Variants in RALYL observed in about 807,000 individuals in gnomAD.
RALYL encodes the protein RALY RNA binding protein like.
In RALYL, 29 loss-of-function variants were observed where a neutral mutation model predicts 35.1. The observed-to-expected ratio is 0.83, with a 90% CI of 0.61 to 1.13. The LOEUF (loss-of-function observed/expected upper bound fraction) is 1.13. Among genes scored for constraint, RALYL ranks in the 50% most tolerant of loss-of-function variants. The pLI is 0.00. For synonymous variants in RALYL, 120 were observed against 127.6 expected, an observed-to-expected ratio of 0.94 and a Z score of 0.40; for missense variants, 359 against 360.4, an observed-to-expected ratio of 1.00 and a Z score of 0.03.
chr8:84,316,572 T>G (rs1843791877), intron 1 of RALYL, among the ~76,000 whole-genome samples: 1 of 138,270 alleles, frequency 7.2e-6, no homozygotes, highest in South Asian at 2.1e-4. Flanking sequence ...ATATGCTTTC[T>G]ACTGTTTGCT....
At chr8:84,639,157 A>G (rs1263538185) in intron 2 of RALYL, among the ~76,000 whole-genome samples, 2 of 151,562 alleles carry the variant, frequency 1.3e-5, no homozygotes, top group African/African-American at 4.8e-5. Flanking sequence ...ACTTACTGGA[A>G]TTAATATTTT....
chr8:84,708,646 T>C (rs886314908), intron 2 of RALYL, among the ~76,000 whole-genome samples: 2 of 152,156 alleles, frequency 1.3e-5, no homozygotes, highest in Admixed American at 1.3e-4. Context: ...TGAGTCCATT[T>C]AAATACTAAG....
At chr8:84,207,956 T>C (rs758181729) in intron 1 of RALYL, among the ~76,000 whole-genome samples, 9 of 152,040 alleles carry the variant, frequency 5.9e-5, no homozygotes, top group Non-Finnish European at 8.8e-5. Flanking sequence ...AAAGTAGAAA[T>C]TGCAGTTCGC....
intron 2 of RALYL, among the ~76,000 whole-genome samples, chr8:84,588,204 C>G (rs1812417306): frequency 6.6e-6 from 1 of 152,084 alleles, no homozygotes; most frequent in Non-Finnish European, 1.5e-5. Context: ...GACAGCCTTA[C>G]CTAGGTTGTT....
At chr8:84,770,048 T>G (rs1029189545) in intron 2 of RALYL, among the ~76,000 whole-genome samples, 1 of 152,158 alleles carries the variant, frequency 6.6e-6, no homozygotes, top group Non-Finnish European at 1.5e-5. Flanking sequence ...CCTTCTTTTT[T>G]TAGAAAAATG....
chr8:84,278,778 A>C (rs1315449337), intron 1 of RALYL, among the ~76,000 whole-genome samples: 1 of 152,146 alleles, frequency 6.6e-6, no homozygotes, highest in African/African-American at 2.4e-5. Context: ...CCTGGACTTC[A>C]TTGTCCATAT....
chr8:84,325,905 G>A (rs1332906269), intron 1 of RALYL, among the ~76,000 whole-genome samples: 1 of 152,138 alleles, frequency 6.6e-6, no homozygotes, highest in Non-Finnish European at 1.5e-5. Context: ...TGAGGCGGTT[G>A]GATCTCTTGA....
At chr8:84,447,053 A>AC (rs2048934266) in intron 1 of RALYL, among the ~76,000 whole-genome samples, 1 of 151,910 alleles carries the variant, frequency 6.6e-6, no homozygotes, top group African/African-American at 2.4e-5. Context: ...TCCCCTTTCC[A>AC]CCCCAGGTCC....
intron 8 of RALYL, among the ~76,000 whole-genome samples, chr8:84,920,658 A>G (rs1427058): frequency 0.93 from 140,844 of 152,056 alleles, 65,368 homozygotes; most frequent in East Asian, 0.98. Context: ...ACCTCAGGCA[A>G]TAAATTAGCT....
chr8:84,840,752 G>A (rs1243241005), intron 4 of RALYL, among the ~76,000 whole-genome samples: 1 of 152,250 alleles, frequency 6.6e-6, no homozygotes, highest in East Asian at 1.9e-4. Context: ...AAGCCCATCA[G>A]ACTAACAACT....
intron 2 of RALYL, among the ~76,000 whole-genome samples, chr8:84,757,911 A>G (rs1811809649): frequency 6.6e-6 from 1 of 152,180 alleles, no homozygotes; most frequent in Non-Finnish European, 1.5e-5. Flanking sequence ...AGTTTCTGGC[A>G]TGCTTTGTTC....
At chr8:84,699,161 T>A (rs1342513158) in intron 2 of RALYL, among the ~76,000 whole-genome samples, 5 of 152,132 alleles carry the variant, frequency 3.3e-5, no homozygotes, top group African/African-American at 1.2e-4. Flanking sequence ...ATTTTCATGA[T>A]CACAGAAACT....
At chr8:84,731,377 A>G (rs1426795223) in intron 2 of RALYL, among the ~76,000 whole-genome samples, 1 of 152,162 alleles carries the variant, frequency 6.6e-6, no homozygotes, top group Non-Finnish European at 1.5e-5. Flanking sequence ...GGCATAGAGT[A>G]AAGTTTTCTG....
At chr8:84,690,507 C>T (rs1191172008) in intron 2 of RALYL, among the ~76,000 whole-genome samples, 1 of 151,984 alleles carries the variant, frequency 6.6e-6, no homozygotes, top group Admixed American at 6.6e-5. Flanking sequence ...CTTAAATGGT[C>T]TCATCACACA....
At chr8:84,413,996 G>T (rs900334367) in intron 1 of RALYL, among the ~76,000 whole-genome samples, 1 of 151,938 alleles carries the variant, frequency 6.6e-6, no homozygotes, top group African/African-American at 2.4e-5. Context: ...TTTTTTCTAA[G>T]TAACCTCAGA....
At chr8:84,454,584 T>G (rs2049920914) in intron 1 of RALYL, among the ~76,000 whole-genome samples, 1 of 152,118 alleles carries the variant, frequency 6.6e-6, no homozygotes, top group Admixed American at 6.6e-5. Context: ...AACTACGAGC[T>G]AGGGGCCACA....
intron 1 of RALYL, among the ~76,000 whole-genome samples, chr8:84,466,769 G>C (rs2051734381): frequency 7.6e-6 from 1 of 131,314 alleles, no homozygotes; most frequent in Non-Finnish European, 1.7e-5. Flanking sequence ...AATCCATCTG[G>C]TCCTGGACTC....
intron 1 of RALYL, among the ~76,000 whole-genome samples, chr8:84,528,330 ATGT>A (rs1305527011): frequency 1.3e-5 from 2 of 152,040 alleles, no homozygotes; most frequent in Non-Finnish European, 2.9e-5. Context: ...TTGTTAGCAA[ATGT>A]TGTGGAAGGA....
intron 1 of RALYL, among the ~76,000 whole-genome samples, chr8:84,209,807 C>A (rs1819014871): frequency 6.6e-6 from 1 of 152,160 alleles, no homozygotes; most frequent in Admixed American, 6.6e-5. Context: ...TCTAACACCT[C>A]TTCATCCCCA....
Sources: allele counts gnomAD v4.1 joint callset (sites outside exome capture counted in the v4.1 genomes callset), GRCh38; gene constraint gnomAD v4.1.1; transcripts MANE v1.5; gene names NCBI Gene and HGNC (gene_info 2026-07-23, HGNC 2026-07-21).